The following UCK1 variants were observed in gnomAD, a reference collection of about 807,000 sequenced individuals.
UCK1 encodes cytidine monophosphokinase 1.
Under a neutral mutation model 34.0 loss-of-function variants are expected in UCK1, and 20 were observed. That is an observed-to-expected ratio of 0.59 (90% CI 0.41 to 0.86). UCK1 has a LOEUF of 0.86. Among genes scored for constraint, UCK1 ranks in the 40% least tolerant of loss-of-function variants. The probability of loss-of-function intolerance (pLI) is 0.00; values close to 1 mark genes in which losing one functional copy is unlikely to be tolerated. For synonymous variants in UCK1, 168 were observed against 155.9 expected (o/e 1.08, Z -0.58); for missense variants, 343 against 383.6 (o/e 0.89, Z 0.88).
At position 131,524,890 on chromosome 9, in the gene UCK1, G is replaced by T; in HGVS notation, c.*150C>A. 1 of 906,904 alleles carries T rather than the reference G, an allele frequency of 1.1e-6. No individual in the cohort carries two copies. The highest frequency in any genetic ancestry group is 1.6e-6 in the Non-Finnish European group (1 of 622,128). The allele number at this position is 906,904 out of a possible 1,614,324, so 56.2% of individuals were successfully genotyped here. Reference sequence around the variant, plus strand: ...CAAGTTGAGTCTGAGTGACACATCTGAGTTTCCACTCCTGAGTGAGGAAGG... The same window carrying T: ...CAAGTTGAGTCTGAGTGACACATCTTAGTTTCCACTCCTGAGTGAGGAAGG... On this transcript the variant is annotated 3_prime_UTR_variant, in exon 7 of 7. Coordinates refer to ENST00000372215, the MANE Select transcript of UCK1 (RefSeq NM_031432.5).
intron 4 of UCK1, 22 bp from the exon 5 acceptor site, chr9:131,529,060 G>A (rs370908207): frequency 2.4e-5 from 39 of 1,613,632 alleles, no homozygotes; most frequent in Middle Eastern, 3.3e-4. Context: ...AGGGGCAGGC[G>A]TGCTTCAGAC....
At position 131,529,838 on chromosome 9, in the gene UCK1, G is replaced by C. The variant is rs903902923; in HGVS notation, c.269-254C>G. On this transcript the variant is annotated intron_variant, in intron 2 of 6. Coordinates refer to ENST00000372215, the MANE Select transcript of UCK1 (RefSeq NM_031432.5). ...CAAGCTCTGTGCCCCTGAGATGCCG[G>C]AACACAGGGGTTTTCTGATCAGCTC... Among the ~76,000 whole-genome samples the C allele has an allele frequency of 3.9e-5, 6 of 152,364 alleles. No homozygotes were observed. In the East Asian group the frequency reaches 9.6e-4, roughly 24 times the overall value.
chr9:131,531,123 G>T lies in UCK1; in HGVS notation c.52C>A (p.Arg18Ser). 6.9e-7 allele frequency: 1 copy of T among 1,451,892 alleles called. No homozygotes were observed. Among genetic ancestry groups the T allele is most frequent in the Non-Finnish European group, 9.0e-7 (1 of 1,105,920 alleles). 89.9% of individuals were successfully genotyped at this position (1,451,892 alleles called of 1,614,324 possible). ...ATCAGGAAGGGCCGCTGGTGCGGAC[G>T]GTCGGCCTCCGGCGCGGGGCTCTCG... ...DCESPAPEADRPHQRPFLIGV... is the reference protein window; with the variant it reads ...DCESPAPEADSPHQRPFLIGV... The change falls in exon 1 of 7, where the codon CGT becomes AGT. Residue 18 changes from arginine to serine, a missense_variant. Physicochemically the swap from Arg to Ser is moderately radical, Grantham distance 110 (BLOSUM62 -1). Transcript: ENST00000372215.
Position 131,524,896 on chromosome 9 carries a change from C to CCACT in UCK1, c.*140_*143dup. On this transcript the variant is annotated 3_prime_UTR_variant, in exon 7 of 7. Coordinates refer to ENST00000372215, the MANE Select transcript of UCK1 (RefSeq NM_031432.5). ...GAGTCTGAGTGACACATCTGAGTTTCCACTCCTGAGTGAGGAAGGCCTCGC... is the reference window on the plus strand; with the variant it reads ...GAGTCTGAGTGACACATCTGAGTTTCCACTCACTCCTGAGTGAGGAAGGCCTCGC... 7 of 972,166 alleles carry CCACT rather than the reference C, an allele frequency of 7.2e-6. No individual in the cohort carries two copies. Among genetic ancestry groups the CCACT allele is most frequent in the Non-Finnish European group, 1.0e-5 (7 of 680,030 alleles). The allele number at this position is 972,166 out of a possible 1,614,324, so 60.2% of individuals were successfully genotyped here.
chr9:131,530,493 G>A lies in UCK1; in HGVS notation c.261C>T (p.Asp87=). Residue 87 remains aspartate, a synonymous_variant, in exon 2 of 7, where the codon GAC becomes GAT. Transcript: ENST00000372215. Reference sequence around the variant, plus strand: ...GTTGGGCTCGCGATTTACCTGGATGGTCAAAATTGTACTGTCCTTTCAAGG... The same window carrying A: ...GTTGGGCTCGCGATTTACCTGGATGATCAAAATTGTACTGTCCTTTCAAGG... The part of the protein sequence containing the change: ...AKALKGQYNF[D]HPDAFDNDLM... 1 of 1,614,090 alleles carries A rather than the reference G, an allele frequency of 6.2e-7. No homozygotes were observed. Among genetic ancestry groups the A allele is most frequent in the African/African-American group, 1.3e-5 (1 of 75,068 alleles).
chr9:131,524,692 G>C lies in UCK1; in HGVS notation c.*348C>G, dbSNP rs1950514503. The C allele has an allele frequency of 4.4e-6, 1 of 226,350 alleles. No homozygotes were observed. The highest frequency in any genetic ancestry group is 1.2e-4 in the East Asian group (1 of 8,692). The allele number at this position is 226,350 out of a possible 1,614,324, so 14.0% of individuals were successfully genotyped here. The stretch of plus-strand genomic sequence containing the variant: ...TCACTGTCAACAAAACATCAGGCCA[G>C]CCAGTGTCTAGGCTGTCTCCTCAAT... On this transcript the variant is annotated 3_prime_UTR_variant, in exon 7 of 7. Transcript: ENST00000372215.
Position 131,531,231 on chromosome 9 carries a change from C to A in UCK1, c.-57G>T. The stretch of plus-strand genomic sequence containing the variant: ...GCGCCCGCCCCTTCCCCAGGCCCGG[C>A]GCGCCCGCCCAGCGCCGAGGTCGGA... On this transcript the variant is annotated 5_prime_UTR_variant, in exon 1 of 7. Transcript: ENST00000372215. 1 of 1,314,314 alleles carries A rather than the reference C, an allele frequency of 7.6e-7. No homozygotes were observed. Among genetic ancestry groups the A allele is most frequent in the Non-Finnish European group, 9.7e-7 (1 of 1,029,340 alleles). The allele number at this position is 1,314,314 out of a possible 1,614,324, so 81.4% of individuals were successfully genotyped here.
intron 6 of UCK1, 111 bp downstream of exon 6, chr9:131,525,818 C>T: frequency 2.5e-6 from 3 of 1,179,708 alleles, no homozygotes; most frequent in Non-Finnish European, 3.7e-6. Flanking sequence ...CAGATCAACA[C>T]TGGCAGGCCG....
Position 131,531,214 on chromosome 9 carries a change from C to T in UCK1, c.-40G>A. ...CCGCGCATCGGGTCCCCGCGCCCGC[C>T]CCTTCCCCAGGCCCGGCGCGCCCGC... On this transcript the variant is annotated 5_prime_UTR_variant, in exon 1 of 7. Transcript: ENST00000372215. 2 of 1,351,534 alleles carry T rather than the reference C, an allele frequency of 1.5e-6. No homozygotes were observed. Among genetic ancestry groups the T allele is most frequent in the Non-Finnish European group, 1.9e-6 (2 of 1,052,214 alleles). The allele number at this position is 1,351,534 out of a possible 1,614,324, so 83.7% of individuals were successfully genotyped here. A position where few individuals can be genotyped will look rare whatever the true frequency, so the allele number is the denominator to read the frequency against.
rs1386702771 is a variant in UCK1, at chr9:131,529,266, G to A, written c.370C>T (p.Pro124Ser). The A allele has an allele frequency of 6.2e-7, 1 of 1,614,150 alleles. No homozygotes were observed. The highest frequency in any genetic ancestry group is 1.7e-5 in the Admixed American group (1 of 60,028). ...TYDFVTHSRL[P>S]ETTVVYPADV... ...GCAGGGTAGACCACCGTGGTCTCTG[G>A]TAACCTGAGGGGCGCACGGGGAAAG... Residue 124 changes from proline to serine, a missense_variant, in exon 4 of 7, where the codon CCA (proline) becomes TCA (serine). Pro to Ser is a moderately conservative substitution (Grantham distance 74). Coordinates refer to ENST00000372215, the MANE Select transcript of UCK1 (RefSeq NM_031432.5).
Position 131,524,851 on chromosome 9 carries a change from T to C in UCK1, c.*189A>G. ...AGTGGCTGAAAACCTCAGGAACGCC[T>C]GTCAGTGTCCCAGCAAGTTGAGTCT... On this transcript the variant is annotated 3_prime_UTR_variant, in exon 7 of 7. Transcript: ENST00000372215. 1 of 652,376 alleles carries C rather than the reference T, an allele frequency of 1.5e-6. No homozygotes were observed. The highest frequency in any genetic ancestry group is 2.9e-5 in the East Asian group (1 of 34,280). 40.4% of individuals were successfully genotyped at this position (652,376 alleles called of 1,614,324 possible). A position where few individuals can be genotyped will look rare whatever the true frequency, so the allele number is the denominator to read the frequency against.
chr9:131,526,067 G>T, intron 5 of UCK1, 90 bp from the exon 6 acceptor site: 2 of 1,499,924 alleles, frequency 1.3e-6, no homozygotes, highest in South Asian at 1.1e-5. Flanking sequence ...CAGCAGGAGG[G>T]GCGGCCCTGG....
rs1021223109 is a variant in UCK1, at chr9:131,528,715, G to A, written c.603+229C>T. The A allele has an allele frequency of 1.5e-5, 9 of 589,592 alleles. No individual in the cohort carries two copies. The African/African-American group carries it at 1.7e-4, about 11-fold the overall frequency. 36.5% of individuals were successfully genotyped at this position (589,592 alleles called of 1,614,324 possible). ...CTGAGGCAGGGAGGAAGCGGCCAGT[G>A]TGAATGTGGGGGAGATATGGGGCTT... On this transcript the variant is annotated intron_variant, in intron 5 of 6. Coordinates refer to ENST00000372215, the MANE Select transcript of UCK1 (RefSeq NM_031432.5).
intron 5 of UCK1, 132 bp downstream of exon 5, chr9:131,528,812 A>G (rs4740260): frequency 0.99 from 1,146,681 of 1,152,552 alleles, 570,629 homozygotes; most frequent in East Asian, 1. Context: ...GTATGTGGCC[A>G]TAATGAGCCA....
chr9:131,528,670 T>C (rs149593400), intron 5 of UCK1: 160 of 516,288 alleles, frequency 3.1e-4, no homozygotes, highest in African/African-American at 2.4e-3. Flanking sequence ...CAGTGTTGAA[T>C]GGGGACGCTG....
At chr9:131,526,083 T>A (rs780417169) in intron 5 of UCK1, 106 bp from the exon 6 acceptor site, 69 of 1,322,222 alleles carry the variant, frequency 5.2e-5, no homozygotes, top group Non-Finnish European at 7.0e-5. Context: ...CCTGGGGTGC[T>A]CAGAGGTGCT....
At chr9:131,527,469 G>C (rs1425590466) in intron 5 of UCK1, among the ~76,000 whole-genome samples, 1 of 152,124 alleles carries the variant, frequency 6.6e-6, no homozygotes. Flanking sequence ...CCTACTTTTT[G>C]CCAAATATCT....
Position 131,523,812 on chromosome 9 carries a change from T to A in UCK1, c.*1228A>T, listed in dbSNP as rs3183977. ...GGAACCAACTGGCGTTTGTAGTTGGTGTTTGTTATTTATTGATTCTCCCTC... is the reference window on the plus strand; with the variant it reads ...GGAACCAACTGGCGTTTGTAGTTGGAGTTTGTTATTTATTGATTCTCCCTC... On this transcript the variant is annotated 3_prime_UTR_variant, in exon 7 of 7. Coordinates refer to ENST00000372215, the MANE Select transcript of UCK1 (RefSeq NM_031432.5). The A allele has an allele frequency of 6.5e-6, 1 of 153,114 alleles. No homozygotes were observed. Among genetic ancestry groups the A allele is most frequent in the Non-Finnish European group, 1.5e-5 (1 of 68,740 alleles). 9.5% of individuals were successfully genotyped at this position (153,114 alleles called of 1,614,324 possible).
At position 131,525,605 on chromosome 9, in the gene UCK1, A is replaced by C. The variant is rs956495223; in HGVS notation, c.652+324T>G. ...GCAATCCTCCCACCTCAGCCTCCTG[A>C]GTAGCTGGGACCAGAGGCACATGCC... On this transcript the variant is annotated intron_variant, in intron 6 of 6. Transcript: ENST00000372215. Among the ~76,000 whole-genome samples, 6 of 152,106 alleles carry C rather than the reference A, an allele frequency of 3.9e-5. No individual in the cohort carries two copies. In the East Asian group the frequency reaches 1.2e-3, roughly 29 times the overall value.
Sources: allele counts gnomAD v4.1 joint callset (sites outside exome capture counted in the v4.1 genomes callset), GRCh38; gene constraint gnomAD v4.1.1; transcripts MANE v1.5; gene names NCBI Gene and HGNC (gene_info 2026-07-23, HGNC 2026-07-21).